Variants in DGKB observed in about 807,000 individuals in gnomAD.
The protein encoded by DGKB is 90 kDa diacylglycerol kinase.
DGKB carries 67 observed loss-of-function variants against 114.3 expected under a neutral mutation model. That is an observed-to-expected ratio of 0.59 (90% confidence interval 0.48 to 0.72). The LOEUF is 0.72. Among genes scored for constraint, DGKB ranks in the 30% least tolerant of loss-of-function variants. DGKB has a pLI of 0.00. For missense variants in DGKB, 907 were observed against 975.2 expected (o/e 0.93, Z 0.93); for synonymous variants, 398 against 323.1 (o/e 1.23, Z -2.49).
At chr7:14,265,951 T>C (rs935510309) in intron 23 of DGKB, among the ~76,000 whole-genome samples, 7 of 152,144 alleles carry the variant, frequency 4.6e-5, no homozygotes, top group African/African-American at 1.7e-4. Context: ...GGTTATATAG[T>C]AAGAACAGTG....
intron 20 of DGKB, among the ~76,000 whole-genome samples, chr7:14,568,788 G>A (rs1797960461): frequency 6.6e-6 from 1 of 152,200 alleles, no homozygotes; most frequent in South Asian, 2.1e-4. Flanking sequence ...TTGGAGGCAA[G>A]GTTCTTTGTA....
chr7:14,594,164 G>A (rs544561339), intron 17 of DGKB, among the ~76,000 whole-genome samples: 87 of 152,046 alleles, frequency 5.7e-4, no homozygotes, highest in Non-Finnish European at 6.3e-4. Flanking sequence ...CTTTTAAAAC[G>A]CCATTTTCTC....
rs568895783 is a variant in DGKB, at chr7:14,537,493, T to C, written c.1770+36719A>G. ...CAGAAGTGAAGCCACAAATATACAG[T>C]CAACTGATATTTGATGAAGATGCCA... On this transcript the variant is annotated intron_variant, in intron 20 of 25. Transcript: ENST00000402815. 8.2e-4 allele frequency among the ~76,000 whole-genome samples: 124 copies of C among 152,078 alleles called. 1 individual carries two copies. The South Asian group carries it at 8.9e-3, about 11-fold the overall frequency.
intron 13 of DGKB, among the ~76,000 whole-genome samples, chr7:14,661,598 C>G (rs1368472780): frequency 6.6e-6 from 1 of 152,064 alleles, no homozygotes; most frequent in African/African-American, 2.4e-5. Context: ...CACTTTTACA[C>G]TGCTGGTAGG....
chr7:14,338,499 T>C lies in DGKB; in HGVS notation c.2122+16A>G, dbSNP rs756586445. Reference sequence around the variant, plus strand: ...GGTTAACAAGCAATTTAACAACTAATTGTTAGAAAACTGACCTTGACTTGC... The same window carrying C: ...GGTTAACAAGCAATTTAACAACTAACTGTTAGAAAACTGACCTTGACTTGC... On this transcript the variant is annotated intron_variant, in intron 23 of 25. Transcript: ENST00000402815. 1.3e-6 allele frequency: 2 copies of C among 1,522,206 alleles called. No individual in the cohort carries two copies. The highest frequency in any genetic ancestry group is 1.8e-6 in the Non-Finnish European group (2 of 1,134,686). 94.3% of individuals were successfully genotyped at this position (1,522,206 alleles called of 1,614,324 possible).
chr7:14,518,440 A>G (rs1346129142), intron 20 of DGKB, among the ~76,000 whole-genome samples: 1 of 151,964 alleles, frequency 6.6e-6, no homozygotes, highest in East Asian at 1.9e-4. Flanking sequence ...CCTATATAGC[A>G]AACCTGCCCA....
intron 1 of DGKB, among the ~76,000 whole-genome samples, 193 bp downstream of exon 1, chr7:14,902,399 C>T (rs1783239578): frequency 6.6e-6 from 1 of 152,172 alleles, no homozygotes; most frequent in Non-Finnish European, 1.5e-5. Flanking sequence ...CGGCATCCGC[C>T]TGCAAATCAC....
intron 1 of DGKB, among the ~76,000 whole-genome samples, chr7:14,973,509 TTTG>T (rs1329140971): frequency 3.3e-4 from 44 of 134,048 alleles, no homozygotes; most frequent in Admixed American, 3.6e-4. Flanking sequence ...TTTTGTTTTG[TTTG>T]TTTTTTGTTT....
At chr7:14,709,759 T>G (rs2128330548) in intron 6 of DGKB, among the ~76,000 whole-genome samples, 1 of 136,578 alleles carries the variant, frequency 7.3e-6, no homozygotes, top group South Asian at 2.4e-4. Context: ...AGGTGGGAAT[T>G]GAACAATGAG....
intron 25 of DGKB, among the ~76,000 whole-genome samples, chr7:14,153,591 T>TTAGCAAGG (rs1782547773): frequency 6.6e-6 from 1 of 152,046 alleles, no homozygotes; most frequent in Non-Finnish European, 1.5e-5. Context: ...CCCTCCTTGC[T>TTAGCAAGG]AATTCCTACC....
chr7:14,944,270 C>T (rs1367853295), intron 1 of DGKB, among the ~76,000 whole-genome samples: 2 of 151,656 alleles, frequency 1.3e-5, no homozygotes, highest in Non-Finnish European at 2.9e-5. Flanking sequence ...TCCAGGAATA[C>T]GAATTTATTT....
At chr7:14,293,081 T>G (rs1052427785) in intron 23 of DGKB, among the ~76,000 whole-genome samples, 1 of 152,194 alleles carries the variant, frequency 6.6e-6, no homozygotes, top group South Asian at 2.1e-4. Context: ...TTTGAGTACA[T>G]GTATAAAAAT....
chr7:14,963,227 G>C (rs1040239256), intron 1 of DGKB, among the ~76,000 whole-genome samples: 1 of 152,062 alleles, frequency 6.6e-6, no homozygotes, highest in Admixed American at 6.6e-5. Context: ...TTACTAAAAG[G>C]AGAACCTTAT....
At chr7:14,167,210 C>CAAAAA (rs34278386) in intron 25 of DGKB, among the ~76,000 whole-genome samples, 2,250 of 98,724 alleles carry the variant, frequency 0.023, 72 homozygotes, top group East Asian at 0.043. Flanking sequence ...GACTCCATCT[C>CAAAAA]AAAAAAAAAA....
intron 21 of DGKB, among the ~76,000 whole-genome samples, chr7:14,428,720 C>T (rs1827965477): frequency 6.6e-6 from 1 of 152,022 alleles, no homozygotes; most frequent in African/African-American, 2.4e-5. Flanking sequence ...AATAGGTGCA[C>T]ATGTGATTGT....
At position 14,348,991 on chromosome 7, in the gene DGKB, CAG is replaced by C. The variant is rs1440697714; in HGVS notation, c.1836-3602_1836-3601del. ...GATCTTATGATTAAGAAGAAGCTGACAGAAGTTTATTAGCAGAGGGGTGACAT... is the reference window on the plus strand; with the variant it reads ...GATCTTATGATTAAGAAGAAGCTGACAAGTTTATTAGCAGAGGGGTGACAT... On this transcript the variant is annotated intron_variant, in intron 21 of 25. Transcript: ENST00000402815. Among the ~76,000 whole-genome samples the C allele has an allele frequency of 3.3e-5, 5 of 151,950 alleles. No individual in the cohort carries two copies. The South Asian group carries it at 6.2e-4, about 19-fold the overall frequency.
chr7:14,367,584 G>A (rs940435675), intron 21 of DGKB, among the ~76,000 whole-genome samples: 2 of 151,926 alleles, frequency 1.3e-5, no homozygotes, highest in Non-Finnish European at 2.9e-5. Flanking sequence ...AGCAGTATGA[G>A]AATGGACTAA....
chr7:14,779,157 AAAAT>A (rs1406143484), intron 2 of DGKB, among the ~76,000 whole-genome samples: 5 of 152,212 alleles, frequency 3.3e-5, no homozygotes, highest in African/African-American at 4.8e-5. Context: ...CTCCATCTCA[AAAAT>A]AAATAAATAA....
chr7:14,915,069 A>G (rs1036548580), intron 1 of DGKB, among the ~76,000 whole-genome samples: 5 of 152,192 alleles, frequency 3.3e-5, no homozygotes, highest in Non-Finnish European at 5.9e-5. Flanking sequence ...AAGAGAAGAA[A>G]TAAGAAAGAA....
Sources: gnomAD v4.1 joint callset for allele counts (sites outside exome capture counted in the v4.1 genomes callset) on GRCh38, gnomAD v4.1.1 for gene constraint, MANE v1.5 for transcripts, NCBI Gene and HGNC (gene_info 2026-07-23, HGNC 2026-07-21) for gene names.